Variants in MTFR1 observed in about 807,000 individuals in gnomAD.
MTFR1 encodes mitochondrial fission regulator 1, also known as chondrocyte protein with a poly-proline region.
Under a neutral mutation model 38.8 loss-of-function variants are expected in MTFR1, and 28 were observed. The observed-to-expected ratio is 0.72, with a 90% CI of 0.53 to 0.99. The LOEUF is 0.99. MTFR1 is among the 50% of genes least tolerant of loss of function. The pLI is 0.00. For missense variants in MTFR1, 358 were observed against 395.5 expected (o/e 0.91, Z 0.81); for synonymous variants, 145 against 137.0 (o/e 1.06, Z -0.41).
the MTFR1 span, among the ~76,000 whole-genome samples, chr8:65,777,930 C>T: frequency 6.6e-6 from 1 of 152,138 alleles, no homozygotes; most frequent in Non-Finnish European, 1.5e-5. Context: ...GAATCTGTCC[C>T]TTAATGTCTT....
chr8:65,659,048 A>G (rs1809341814), intron 1 of MTFR1, among the ~76,000 whole-genome samples: 1 of 152,164 alleles, frequency 6.6e-6, no homozygotes, highest in African/African-American at 2.4e-5. Flanking sequence ...GTTGAAGATA[A>G]GATACAGAGT....
At chr8:65,720,042 A>T (rs1221695616) in intron 3 of MTFR1, among the ~76,000 whole-genome samples, 2 of 152,256 alleles carry the variant, frequency 1.3e-5, no homozygotes, top group Admixed American at 1.3e-4. Context: ...GATAAGAGTC[A>T]GTCTAAAAAT....
intron 3 of MTFR1, among the ~76,000 whole-genome samples, chr8:65,757,276 A>C (rs1563491284): frequency 1.3e-5 from 2 of 152,238 alleles, no homozygotes; most frequent in Non-Finnish European, 2.9e-5. Context: ...TGACACACTC[A>C]ACATTACAAC....
At chr8:65,690,261 G>A (rs557357177) in intron 3 of MTFR1, among the ~76,000 whole-genome samples, 99 of 152,114 alleles carry the variant, frequency 6.5e-4, no homozygotes, top group Non-Finnish European at 8.5e-4. Flanking sequence ...CTGGCTGGGC[G>A]TGGTGGTGCA....
chr8:65,678,626 C>T (rs757069166), intron 2 of MTFR1, among the ~76,000 whole-genome samples: 8 of 152,148 alleles, frequency 5.3e-5, no homozygotes, highest in Middle Eastern at 3.4e-3. Flanking sequence ...ATCGGCTGGG[C>T]GTTGTGGCTC....
At chr8:65,761,963 C>T (rs1404743855) in intron 3 of MTFR1, among the ~76,000 whole-genome samples, 1 of 152,178 alleles carries the variant, frequency 6.6e-6, no homozygotes. Flanking sequence ...ACAAAAGAGG[C>T]CTTTAACAGA....
intron 3 of MTFR1, among the ~76,000 whole-genome samples, chr8:65,754,245 C>A (rs1808109323): frequency 6.6e-6 from 1 of 151,946 alleles, no homozygotes; most frequent in African/African-American, 2.4e-5. Flanking sequence ...TAGATGGTGC[C>A]CCCCCGCCCC....
chr8:65,670,092 A>G, intron 2 of MTFR1, 74 bp downstream of exon 2: 1 of 1,253,648 alleles, frequency 8.0e-7, no homozygotes, highest in Non-Finnish European at 1.1e-6. Context: ...AAAATGAAAT[A>G]AATCTATATA....
chr8:65,771,646 C>T (rs577762662), downstream of MTFR1, among the ~76,000 whole-genome samples: 6 of 152,104 alleles, frequency 3.9e-5, no homozygotes, highest in South Asian at 2.1e-4. Context: ...GAGGCCAGGG[C>T]GGGCGGATCA....
chr8:65,702,255 A>C (rs1436272907), intron 4 of MTFR1, among the ~76,000 whole-genome samples: 1 of 149,018 alleles, frequency 6.7e-6, no homozygotes, highest in East Asian at 2.0e-4. Flanking sequence ...CTTTGAAAAG[A>C]CTGTTAGTTT....
At chr8:65,772,716 T>C (rs1563501154), downstream of MTFR1, among the ~76,000 whole-genome samples, 1 of 152,088 alleles carries the variant, frequency 6.6e-6, no homozygotes, top group Non-Finnish European at 1.5e-5. Flanking sequence ...AGCCTAGGGT[T>C]AAACTGGCCA....
At chr8:65,707,418 T>G (rs1360581392) in intron 6 of MTFR1, among the ~76,000 whole-genome samples, 162 bp downstream of exon 6, 2 of 152,230 alleles carry the variant, frequency 1.3e-5, no homozygotes, top group Admixed American at 1.3e-4. Context: ...AGCTAAGAGA[T>G]TAGCAAAATA....
At chr8:65,670,218 A>G (rs1356087204) in intron 2 of MTFR1, among the ~76,000 whole-genome samples, 200 bp downstream of exon 2, 1 of 152,228 alleles carries the variant, frequency 6.6e-6, no homozygotes, top group Non-Finnish European at 1.5e-5. Flanking sequence ...TCTGGGTTAC[A>G]TTGAAAACTT....
intron 3 of MTFR1, among the ~76,000 whole-genome samples, chr8:65,740,014 C>A (rs1375110135): frequency 6.6e-6 from 1 of 152,174 alleles, no homozygotes; most frequent in African/African-American, 2.4e-5. Context: ...GAGCACACTT[C>A]CTTGGCTGCA....
intron 1 of MTFR1, among the ~76,000 whole-genome samples, chr8:65,662,032 C>CCTCTCTCTCTCCCTCTTTCTCTCCCT (rs528476639): frequency 9.9e-6 from 1 of 100,534 alleles, no homozygotes; most frequent in Non-Finnish European, 1.9e-5. Context: ...TCTCTCTCTC[C>CCTCTCTCTCTCCCTCTTTCTCTCCCT]CTCTCTCTCC....
chr8:65,688,015 G>A (rs1407894258), intron 3 of MTFR1, among the ~76,000 whole-genome samples: 2 of 150,512 alleles, frequency 1.3e-5, no homozygotes, highest in African/African-American at 4.9e-5. Flanking sequence ...CAGGAGAATC[G>A]CTTGAACCTG....
intron 2 of MTFR1, among the ~76,000 whole-genome samples, chr8:65,715,767 C>T (rs1231975771): frequency 4.0e-5 from 6 of 148,200 alleles, no homozygotes; most frequent in Admixed American, 6.7e-5. Context: ...GGGCGGATCA[C>T]GAGGTCAGGA....
chr8:65,659,851 C>T (rs1169389371), intron 1 of MTFR1, among the ~76,000 whole-genome samples: 1 of 152,118 alleles, frequency 6.6e-6, no homozygotes, highest in Non-Finnish European at 1.5e-5. Context: ...AGCTTTCTGT[C>T]CAGTCTTCCC....
At chr8:65,677,813 C>T (rs960708327) in intron 2 of MTFR1, among the ~76,000 whole-genome samples, 7 of 151,280 alleles carry the variant, frequency 4.6e-5, no homozygotes, top group Admixed American at 1.3e-4. Context: ...GTCAAGAGAT[C>T]GAGACCATCC....
Sources: gnomAD v4.1 joint callset for allele counts (sites outside exome capture counted in the v4.1 genomes callset) on GRCh38, gnomAD v4.1.1 for gene constraint, MANE v1.5 for transcripts, NCBI Gene and HGNC (gene_info 2026-07-23, HGNC 2026-07-21) for gene names.